UNC13C: variants seen among roughly 807,000 people sequenced by gnomAD.
UNC13C encodes the protein unc-13 homolog C, also known as protein unc-13 homolog C.
UNC13C carries 174 observed loss-of-function variants against 245.4 expected under a neutral mutation model. The observed-to-expected ratio is 0.71, with a 90% CI of 0.63 to 0.80. UNC13C has a LOEUF of 0.80. UNC13C is among the 30% of genes least tolerant of loss of function. UNC13C has a pLI of 0.00. For synonymous variants in UNC13C, 992 were observed against 895.1 expected, an observed-to-expected ratio of 1.11 and a Z score of -1.93; for missense variants, 2,829 against 2,602.9, an observed-to-expected ratio of 1.09 and a Z score of -1.89.
At chr15:54,000,740 A>G (rs1894847466) in intron 1 of UNC13C, among the ~76,000 whole-genome samples, 1 of 152,156 alleles carries the variant, frequency 6.6e-6, no homozygotes, top group South Asian at 2.1e-4. Flanking sequence ...ACACCTAATC[A>G]TATATAAAGA....
intron 26 of UNC13C, among the ~76,000 whole-genome samples, chr15:54,539,473 C>G (rs556473597): frequency 6.6e-6 from 1 of 151,962 alleles, no homozygotes; most frequent in African/African-American, 2.4e-5. Flanking sequence ...ACATAATTTT[C>G]TATACATTCT....
intron 12 of UNC13C, 40 bp downstream of exon 12, chr15:54,297,966 T>C: frequency 1.6e-6 from 2 of 1,264,484 alleles, no homozygotes; most frequent in Non-Finnish European, 2.2e-6. Flanking sequence ...ATATAAGAAA[T>C]GTTCTTGATT....
rs143224186 is a variant in UNC13C, at chr15:54,330,955, G to A, written c.4426-1088G>A. 2.5e-3 allele frequency among the ~76,000 whole-genome samples: 382 copies of A among 152,110 alleles called. 1 individual carries two copies. Among genetic ancestry groups the A allele is most frequent in the African/African-American group, 8.6e-3 (359 of 41,520 alleles). On this transcript the variant is annotated intron_variant, in intron 14 of 32. Coordinates refer to ENST00000260323, the MANE Select transcript of UNC13C (RefSeq NM_001080534.3). ...GATACTCAAACTTTCTTATACTGAT[G>A]TATAAATCTGATGATGGCAGTTTAT...
At chr15:54,293,659 G>A (rs988083549) in intron 10 of UNC13C, among the ~76,000 whole-genome samples, 1 of 151,980 alleles carries the variant, frequency 6.6e-6, no homozygotes, top group Non-Finnish European at 1.5e-5. Flanking sequence ...ATCTAAATCA[G>A]TTAAAGGAAA....
At chr15:54,473,179 T>TA (rs1431737355) in intron 19 of UNC13C, among the ~76,000 whole-genome samples, 3 of 151,268 alleles carry the variant, frequency 2.0e-5, no homozygotes, top group Non-Finnish European at 4.4e-5. Context: ...GCATTAGATG[T>TA]TTGTTGGAGA....
chr15:54,034,289 G>T (rs1896482455), intron 2 of UNC13C, among the ~76,000 whole-genome samples: 1 of 152,142 alleles, frequency 6.6e-6, no homozygotes, highest in Non-Finnish European at 1.5e-5. Context: ...CTTGTGTTGG[G>T]CACCGAGCAC....
intron 19 of UNC13C, among the ~76,000 whole-genome samples, chr15:54,480,189 C>T (rs941541902): frequency 6.6e-6 from 1 of 151,944 alleles, no homozygotes; most frequent in East Asian, 1.9e-4. Flanking sequence ...CTGTGAGCTT[C>T]CTGTATTTGA....
At chr15:54,050,765 A>T in intron 2 of UNC13C, 1 of 584,376 alleles carries the variant, frequency 1.7e-6, no homozygotes, top group Non-Finnish European at 3.4e-6. Context: ...GTTCCTCTTC[A>T]CTATCTGGTG....
chr15:53,857,898 C>T, the UNC13C span, among the ~76,000 whole-genome samples: 1 of 152,136 alleles, frequency 6.6e-6, no homozygotes, highest in Non-Finnish European at 1.5e-5. Context: ...TATTATTTAA[C>T]AATAATGAAT....
In UNC13C at chr15:54,451,982, T is replaced by G. The variant is rs77595885; in HGVS notation, c.4933+36915T>G. Reference sequence around the variant, plus strand: ...AGGTAGGGAACATTGGCTTTGATTCTCAGTGCATGCAGTAGTGTATTATTT... The same window carrying G: ...AGGTAGGGAACATTGGCTTTGATTCGCAGTGCATGCAGTAGTGTATTATTT... On this transcript the variant is annotated intron_variant, in intron 19 of 32. Coordinates refer to ENST00000260323, the MANE Select transcript of UNC13C (RefSeq NM_001080534.3). 1.3e-3 allele frequency among the ~76,000 whole-genome samples: 202 copies of G among 152,340 alleles called. 3 individuals carry two copies. In the East Asian group the frequency reaches 0.029, roughly 22 times the overall value.
At chr15:53,900,498 T>C in the UNC13C span, among the ~76,000 whole-genome samples, 1 of 152,070 alleles carries the variant, frequency 6.6e-6, no homozygotes, top group Non-Finnish European at 1.5e-5. Flanking sequence ...AAAGCAAGAG[T>C]AATGACAAAT....
At chr15:54,628,672 C>T (rs1901354955), downstream of UNC13C, 1 of 152,436 alleles carries the variant, frequency 6.6e-6, no homozygotes, top group African/African-American at 2.4e-5. Flanking sequence ...GGAATAAAAA[C>T]TCCAGGCTCT....
At chr15:54,428,366 G>A (rs755707457) in intron 19 of UNC13C, among the ~76,000 whole-genome samples, 5 of 151,412 alleles carry the variant, frequency 3.3e-5, no homozygotes, top group Admixed American at 2.0e-4. Context: ...TGGGACAATC[G>A]CTCTGAACTC....
At chr15:54,031,891 T>C (rs1226651286) in intron 2 of UNC13C, among the ~76,000 whole-genome samples, 1 of 152,254 alleles carries the variant, frequency 6.6e-6, no homozygotes, top group East Asian at 1.9e-4. Context: ...TTATGGCATA[T>C]CATTCATGAA....
the UNC13C span, among the ~76,000 whole-genome samples, chr15:53,858,177 A>G: frequency 6.6e-6 from 1 of 152,196 alleles, no homozygotes; most frequent in South Asian, 2.1e-4. Flanking sequence ...GGTAGGCAAC[A>G]TATTATCTAG....
chr15:54,378,820 T>C (rs980314187), intron 17 of UNC13C, among the ~76,000 whole-genome samples: 1 of 152,008 alleles, frequency 6.6e-6, no homozygotes, highest in Non-Finnish European at 1.5e-5. Flanking sequence ...ATTGTAATAT[T>C]TTATAATTAT....
intron 19 of UNC13C, among the ~76,000 whole-genome samples, chr15:54,468,913 A>G (rs1395549758): frequency 6.6e-6 from 1 of 151,594 alleles, no homozygotes; most frequent in Non-Finnish European, 1.5e-5. Flanking sequence ...TACTTTGGCT[A>G]TTTCAAGACT....
chr15:53,908,737 ATG>A, the UNC13C span, among the ~76,000 whole-genome samples: 2 of 105,208 alleles, frequency 1.9e-5, 1 homozygote, highest in African/African-American at 8.2e-5. Flanking sequence ...GGGTGACAGA[ATG>A]AGAACCTTTC....
chr15:53,885,610 C>A, the UNC13C span, among the ~76,000 whole-genome samples: 2 of 152,134 alleles, frequency 1.3e-5, no homozygotes, highest in South Asian at 4.1e-4. Flanking sequence ...TCTGAAGGCT[C>A]CTATGTCACA....
Sources: allele counts gnomAD v4.1 joint callset (sites outside exome capture counted in the v4.1 genomes callset), GRCh38; gene constraint gnomAD v4.1.1; transcripts MANE v1.5; gene names NCBI Gene and HGNC (gene_info 2026-07-23, HGNC 2026-07-21).